The following TP63 variants were observed in gnomAD, a reference collection of about 807,000 sequenced individuals.
The protein encoded by TP63 is tumor protein p63, also known as tumor protein 63.
A neutral mutation model predicts 82.8 loss-of-function variants in TP63; 17 were observed. That is an observed-to-expected ratio of 0.21 (90% CI 0.14 to 0.31). TP63 has a LOEUF of 0.31. Among genes scored for constraint, TP63 ranks in the 10% least tolerant of loss-of-function variants. The probability of loss-of-function intolerance (pLI) is 1.00; values close to 1 mark genes in which losing one functional copy is unlikely to be tolerated. For synonymous variants in TP63, 330 were observed against 321.7 expected, an observed-to-expected ratio of 1.03 and a Z score of -0.28; for missense variants, 648 against 895.3, an observed-to-expected ratio of 0.72 and a Z score of 3.52.
chr3:189,894,949 T>G lies in TP63; in HGVS notation c.*447T>G, dbSNP rs1721361183. The G allele has an allele frequency of 1.8e-5, 4 of 221,892 alleles. No homozygotes were observed. In the East Asian group the frequency reaches 2.7e-4, roughly 15 times the overall value. The allele number at this position is 221,892 out of a possible 1,614,324, so 13.7% of individuals were successfully genotyped here. A position where few individuals can be genotyped will look rare whatever the true frequency, so the allele number is the denominator to read the frequency against. The stretch of plus-strand genomic sequence containing the variant: ...TTGCACTTATTGACCATTTTTTAAT[T>G]TACTTGTTTTGGATGGCTTGTCTAT... On this transcript the variant is annotated 3_prime_UTR_variant, in exon 14 of 14. Coordinates refer to ENST00000264731, the MANE Select transcript of TP63 (RefSeq NM_003722.5).
In TP63 at chr3:189,895,234, G is replaced by GT. The variant is rs1721381123; in HGVS notation, c.*734dup. On this transcript the variant is annotated 3_prime_UTR_variant, in exon 14 of 14. Coordinates refer to ENST00000264731, the MANE Select transcript of TP63 (RefSeq NM_003722.5). ...GTTCACGTTGGGGTGATTTAATCCAGTTATAAGAAGAAGTTCATGTCCAAA... is the reference window on the plus strand; with the variant it reads ...GTTCACGTTGGGGTGATTTAATCCAGTTTATAAGAAGAAGTTCATGTCCAAA... The GT allele has an allele frequency of 4.5e-6, 1 of 221,334 alleles. No individual in the cohort carries two copies. Among genetic ancestry groups the GT allele is most frequent in the Non-Finnish European group, 9.0e-6 (1 of 110,744 alleles). 13.7% of individuals were successfully genotyped at this position (221,334 alleles called of 1,614,324 possible). A position where few individuals can be genotyped will look rare whatever the true frequency, so the allele number is the denominator to read the frequency against.
rs1717871104 is a variant in TP63 at position 189,702,259 on chromosome 3, C to T, written c.63-35481C>T. Reference sequence around the variant, plus strand: ...AATGTGAAACATCAGACAGAAACTGCAGGGAAGATTTATTGACAATGAATC... The same window carrying T: ...AATGTGAAACATCAGACAGAAACTGTAGGGAAGATTTATTGACAATGAATC... On this transcript the variant is annotated intron_variant, in intron 1 of 13. Transcript: ENST00000264731. Among the ~76,000 whole-genome samples, 3 of 152,192 alleles carry T rather than the reference C, an allele frequency of 2.0e-5. 1 individual carries two copies. In the South Asian group the frequency reaches 6.2e-4, roughly 32 times the overall value.
chr3:189,766,983 A>G (rs2108549321), intron 3 of TP63, among the ~76,000 whole-genome samples: 1 of 152,322 alleles, frequency 6.6e-6, no homozygotes, highest in African/African-American at 2.4e-5. Context: ...AGGAAATATT[A>G]AGTATATATT....
intron 3 of TP63, among the ~76,000 whole-genome samples, chr3:189,784,168 A>G (rs1724425568): frequency 6.6e-6 from 1 of 151,990 alleles, no homozygotes; most frequent in East Asian, 1.9e-4. Context: ...AATCCATAAT[A>G]CAAAACAATA....
the TP63 span, among the ~76,000 whole-genome samples, chr3:189,607,964 A>G: frequency 6.6e-6 from 1 of 152,114 alleles, no homozygotes; most frequent in Non-Finnish European, 1.5e-5. Context: ...AAGAAAGTGT[A>G]CTAGACTTGA....
chr3:189,848,239 T>TCTCTCTCTCTCTCTCTCTCTC (rs372147574), intron 4 of TP63, among the ~76,000 whole-genome samples: 7 of 95,976 alleles, frequency 7.3e-5, no homozygotes, highest in African/African-American at 1.7e-4. Flanking sequence ...CTCCTCCTCC[T>TCTCTCTCTCTCTCTCTCTCTC]TCTCTCTCTC....
intron 3 of TP63, among the ~76,000 whole-genome samples, chr3:189,797,220 G>A (rs1560192897): frequency 6.6e-6 from 1 of 151,970 alleles, no homozygotes; most frequent in African/African-American, 2.4e-5. Context: ...TGCCAGAGGC[G>A]GAAATTTATG....
At chr3:189,765,432 G>GTTTTTTTTTTTTTTTTTTTTTT (rs1560167431) in intron 3 of TP63, among the ~76,000 whole-genome samples, 4 of 6,186 alleles carry the variant, frequency 6.5e-4, no homozygotes, top group African/African-American at 1.0e-3. Flanking sequence ...CCTGTCCTCT[G>GTTTTTTTTTTTTTTTTTTTTTT]CTTTTTTTTT....
intron 1 of TP63, among the ~76,000 whole-genome samples, chr3:189,695,543 C>A (rs1717311611): frequency 6.6e-6 from 1 of 152,114 alleles, no homozygotes; most frequent in Admixed American, 6.5e-5. Flanking sequence ...GGTGTTGTTG[C>A]TTCTAGGCTG....
At chr3:189,856,080 A>G (rs1265398802) in intron 4 of TP63, among the ~76,000 whole-genome samples, 5 of 151,882 alleles carry the variant, frequency 3.3e-5, no homozygotes, top group Non-Finnish European at 7.4e-5. Flanking sequence ...CAGGTATAAA[A>G]TCAACTGAGT....
At chr3:189,699,744 T>G (rs1717662490) in intron 1 of TP63, among the ~76,000 whole-genome samples, 2 of 152,204 alleles carry the variant, frequency 1.3e-5, no homozygotes, top group African/African-American at 4.8e-5. Flanking sequence ...CCATCACTGA[T>G]TTGATTAATG....
intron 3 of TP63, among the ~76,000 whole-genome samples, chr3:189,765,246 GAA>G (rs71175310): frequency 0.94 from 141,837 of 151,204 alleles, 66,629 homozygotes; most frequent in Middle Eastern, 0.96. Flanking sequence ...ATATAGAGCA[GAA>G]AAAAAAAATC....
intron 1 of TP63, among the ~76,000 whole-genome samples, chr3:189,691,772 C>T (rs1340293747): frequency 6.6e-6 from 1 of 152,090 alleles, no homozygotes; most frequent in Non-Finnish European, 1.5e-5. Context: ...AAAGACCATT[C>T]TCTTTTGTTT....
chr3:189,749,873 C>T (rs1721670734), intron 3 of TP63, among the ~76,000 whole-genome samples: 1 of 152,060 alleles, frequency 6.6e-6, no homozygotes, highest in African/African-American at 2.4e-5. Flanking sequence ...CCTGTAATCC[C>T]AGCACTTTGG....
chr3:189,694,599 A>G (rs2108727516), intron 1 of TP63, among the ~76,000 whole-genome samples: 1 of 152,086 alleles, frequency 6.6e-6, no homozygotes, highest in East Asian at 1.9e-4. Context: ...GGGGAGGAAG[A>G]CCATGCAGGT....
intron 10 of TP63, among the ~76,000 whole-genome samples, chr3:189,884,971 T>C (rs1720288801): frequency 6.6e-6 from 1 of 152,184 alleles, no homozygotes; most frequent in Non-Finnish European, 1.5e-5. Flanking sequence ...TTTAAAATGA[T>C]TTTTTTCAAA....
At chr3:189,789,992 T>G in intron 3 of TP63, 2 of 715,240 alleles carry the variant, frequency 2.8e-6, no homozygotes, top group Non-Finnish European at 4.0e-6. Context: ...TAATGTTTTC[T>G]GTGGTGGCTG....
At chr3:189,890,930 C>T (rs888331674) in intron 13 of TP63, 48 bp downstream of exon 13, 2 of 1,575,388 alleles carry the variant, frequency 1.3e-6, no homozygotes, top group South Asian at 1.1e-5. Flanking sequence ...TCATTTCTTT[C>T]CTCTGATGAC....
intron 10 of TP63, among the ~76,000 whole-genome samples, chr3:189,883,069 A>G (rs1720094679): frequency 6.6e-6 from 1 of 152,196 alleles, no homozygotes; most frequent in Non-Finnish European, 1.5e-5. Context: ...AGTGTAGGCA[A>G]GAAAACCAGA....
Sources: gnomAD v4.1 joint callset for allele counts (sites outside exome capture counted in the v4.1 genomes callset) on GRCh38, gnomAD v4.1.1 for gene constraint, MANE v1.5 for transcripts, NCBI Gene and HGNC (gene_info 2026-07-23, HGNC 2026-07-21) for gene names.